The following DLAT variants were observed in gnomAD, a reference collection of about 807,000 sequenced individuals.
DLAT encodes dihydrolipoyllysine-residue acetyltransferase component of pyruvate dehydrogenase complex, mitochondrial.
DLAT carries 43 observed loss-of-function variants against 68.0 expected under a neutral mutation model. The ratio of observed to expected loss-of-function variants is 0.63; its 90% CI spans 0.50 to 0.81. DLAT has a LOEUF of 0.81. Among genes scored for constraint, DLAT ranks in the 40% least tolerant of loss-of-function variants. The pLI, the probability that DLAT is intolerant of heterozygous loss-of-function variation, is 0.00. For missense variants in DLAT, 745 were observed against 815.4 expected (o/e 0.91, Z 1.05); for synonymous variants, 265 against 288.6 (o/e 0.92, Z 0.83).
chr11:112,029,797 C>T, intron 4 of DLAT: 1 of 516,040 alleles, frequency 1.9e-6, no homozygotes, highest in South Asian at 1.6e-5. Flanking sequence ...TCAAGAACAC[C>T]ACCAAGAAGG....
rs189506757 is a variant in DLAT at position 112,037,078 on chromosome 11, A to G, written c.788-195A>G. On this transcript the variant is annotated intron_variant, in intron 5 of 13. Coordinates refer to ENST00000280346, the MANE Select transcript of DLAT (RefSeq NM_001931.5). ...TTAAATGTATAACATCCCAGTACCA[A>G]TCCAGTGAGATTGGTACTATTATTA... Among the ~76,000 whole-genome samples the G allele has an allele frequency of 3.8e-3, 585 of 152,338 alleles. 2 individuals are homozygous for G. The highest frequency in any genetic ancestry group is 0.013 in the African/African-American group (538 of 41,578).
rs140678772 is a variant in DLAT, at chr11:112,028,913, G to A, written c.628G>A (p.Ala210Thr). The A allele has an allele frequency of 1.5e-4, 241 of 1,614,104 alleles. 1 individual carries two copies. The African/African-American group carries it at 2.6e-3, about 17-fold the overall frequency. Reference sequence around the variant, plus strand: ...TTCGCCACCTACACCTTCTGCTCAGGCTCCTGGTAGCTCATATCCCCCTCA... The same window carrying A: ...TTCGCCACCTACACCTTCTGCTCAGACTCCTGGTAGCTCATATCCCCCTCA... The part of the protein sequence containing the change: ...TASPPTPSAQ[A>T]PGSSYPPHMQ... Residue 210 changes from alanine (A) to threonine (T), a missense_variant, in exon 4 of 14, where the codon GCT becomes ACT. Ala to Thr is a moderately conservative substitution (Grantham distance 58). Coordinates refer to ENST00000280346, the MANE Select transcript of DLAT (RefSeq NM_001931.5).
intron 2 of DLAT, 95 bp from the exon 3 acceptor site, chr11:112,028,420 C>CAAAA (rs148561787): frequency 9.0e-5 from 74 of 820,348 alleles, no homozygotes; most frequent in Middle Eastern, 4.2e-4. Context: ...CTCTGTGTCT[C>CAAAA]AAAAAAAAAA....
rs140241473 is a variant in DLAT at position 112,028,824 on chromosome 11, C to T, written c.539C>T (p.Thr180Ile). The T allele has an allele frequency of 2.5e-6, 4 of 1,614,122 alleles. No individual in the cohort carries two copies. Among genetic ancestry groups the T allele is most frequent in the Non-Finnish European group, 3.4e-6 (4 of 1,180,010 alleles). Residue 180 changes from threonine (T) to isoleucine (I), a missense_variant, in exon 4 of 14, where the codon ACA becomes ATA. By Grantham distance (89) the Thr-to-Ile change is moderately conservative. Transcript: ENST00000280346. ...GATATTGAGGCCTTTAAAAATTATA[C>T]ACTGGATTCCTCAGCAGCACCTACC... ...PEDIEAFKNY[T>I]LDSSAAPTPQ...
chr11:112,056,897 TTTGA>T (rs1263097573), intron 11 of DLAT, among the ~76,000 whole-genome samples: 1 of 152,218 alleles, frequency 6.6e-6, no homozygotes, highest in Non-Finnish European at 1.5e-5. Context: ...TTTATTGCAC[TTTGA>T]TTTATTGTGC....
intron 5 of DLAT, among the ~76,000 whole-genome samples, chr11:112,036,201 GTTTTT>G (rs1167345612): frequency 5.5e-4 from 20 of 36,462 alleles, no homozygotes; most frequent in South Asian, 3.0e-3. Context: ...GTGTGTGTGT[GTTTTT>G]TTTTTTTTTT....
chr11:112,032,793 C>T (rs587686085), intron 4 of DLAT, among the ~76,000 whole-genome samples: 1 of 152,246 alleles, frequency 6.6e-6, no homozygotes, highest in South Asian at 2.1e-4. Flanking sequence ...AGTCTGGGCG[C>T]GGTGGCTCAC....
chr11:112,064,345 T>G lies in DLAT; in HGVS notation c.*1810T>G. On this transcript the variant is annotated 3_prime_UTR_variant, in exon 14 of 14. Transcript: ENST00000280346. ...TGAAAGAAAAAAGTTAGAAATAGTG[T>G]TTTTGGTTCATATGATTATTTAAAA... 3 of 782,604 alleles carry G rather than the reference T, an allele frequency of 3.8e-6. No homozygotes were observed. Among genetic ancestry groups the G allele is most frequent in the Non-Finnish European group, 5.7e-6 (3 of 525,516 alleles). The allele number at this position is 782,604 out of a possible 1,614,324, so 48.5% of individuals were successfully genotyped here. A position where few individuals can be genotyped will look rare whatever the true frequency, so the allele number is the denominator to read the frequency against.
At chr11:112,045,747 A>G in intron 9 of DLAT, 116 bp from the exon 10 acceptor site, 1 of 693,104 alleles carries the variant, frequency 1.4e-6, no homozygotes, top group Non-Finnish European at 2.5e-6. Flanking sequence ...TCTTTCAATT[A>G]TAATAATGCT....
intron 11 of DLAT, 31 bp from the exon 12 acceptor site, chr11:112,059,869 GTTT>G: frequency 6.6e-7 from 1 of 1,518,102 alleles, no homozygotes; most frequent in African/African-American, 1.4e-5. Flanking sequence ...TTAATAAACA[GTTT>G]TTTATTATAT....
intron 8 of DLAT, 112 bp from the exon 9 acceptor site, chr11:112,045,026 C>T: frequency 1.3e-6 from 1 of 777,394 alleles, no homozygotes; most frequent in Non-Finnish European, 2.2e-6. Context: ...CAGAGCAAGA[C>T]TCTGTCTCAA....
chr11:112,060,049 A>G lies in DLAT; in HGVS notation c.1661A>G (p.Gln554Arg), dbSNP rs1555183028. The change falls in exon 12 of 14, where the codon CAG becomes CGG. Residue 554 changes from glutamine (Q) to arginine (R), a missense_variant. Physicochemically the swap from Gln to Arg is conservative, Grantham distance 43 (BLOSUM62 1). Coordinates refer to ENST00000280346, the MANE Select transcript of DLAT (RefSeq NM_001931.5). ...LATKAREGKLQPHEFQGGTFT... is the reference protein window; with the variant it reads ...LATKAREGKLRPHEFQGGTFT... ...ACCAAAGCAAGAGAGGGTAAACTAC[A>G]GCCACATGAATTCCAGGTAGGGTAT... 1 of 1,614,018 alleles carries G rather than the reference A, an allele frequency of 6.2e-7. No homozygotes were observed.
rs1555183588 is a variant in DLAT at position 112,064,136 on chromosome 11, T to A, written c.*1601T>A. ...GAAACAAGCTTATCACAAGGGACCA[T>A]CATCAATATGATCCAAATCTGGTTC... On this transcript the variant is annotated 3_prime_UTR_variant, in exon 14 of 14. Coordinates refer to ENST00000280346, the MANE Select transcript of DLAT (RefSeq NM_001931.5). 3.3e-6 allele frequency: 5 copies of A among 1,508,062 alleles called. No individual in the cohort carries two copies. The highest frequency in any genetic ancestry group is 4.5e-6 in the Non-Finnish European group (5 of 1,119,916). 93.4% of individuals were successfully genotyped at this position (1,508,062 alleles called of 1,614,324 possible). A position where few individuals can be genotyped will look rare whatever the true frequency, so the allele number is the denominator to read the frequency against.
intron 8 of DLAT, 77 bp from the exon 9 acceptor site, chr11:112,045,061 G>T: frequency 7.5e-6 from 8 of 1,072,546 alleles, no homozygotes; most frequent in South Asian, 1.3e-5. Context: ...AAACTGCATA[G>T]TCACTGGCAG....
chr11:112,043,708 C>T (rs1555181210), intron 8 of DLAT, among the ~76,000 whole-genome samples, 175 bp downstream of exon 8: 1 of 152,100 alleles, frequency 6.6e-6, no homozygotes, highest in Non-Finnish European at 1.5e-5. Flanking sequence ...CAGGAGCCCC[C>T]TTGTATACCA....
chr11:112,045,735 C>T (rs970114477), intron 9 of DLAT, 128 bp from the exon 10 acceptor site: 5 of 656,784 alleles, frequency 7.6e-6, no homozygotes, highest in Non-Finnish European at 1.3e-5. Context: ...CGGAGTCCTC[C>T]ATCTTTCAAT....
chr11:112,031,896 T>G (rs1038335273), intron 4 of DLAT, among the ~76,000 whole-genome samples: 7 of 121,954 alleles, frequency 5.7e-5, no homozygotes, highest in African/African-American at 1.9e-4. Flanking sequence ...TTTTTTTTTT[T>G]TTTTTTTTTT....
At chr11:112,029,589 T>C (rs782748354) in intron 4 of DLAT, among the ~76,000 whole-genome samples, 2 of 151,638 alleles carry the variant, frequency 1.3e-5, no homozygotes, top group African/African-American at 4.8e-5. Flanking sequence ...GGGATCCTCC[T>C]CCAATACCCA....
intron 5 of DLAT, among the ~76,000 whole-genome samples, chr11:112,036,200 T>TG (rs1566617759): frequency 2.3e-4 from 16 of 69,858 alleles, no homozygotes; most frequent in African/African-American, 9.7e-4. Flanking sequence ...TGTGTGTGTG[T>TG]GTTTTTTTTT....
Sources: allele counts gnomAD v4.1 joint callset (sites outside exome capture counted in the v4.1 genomes callset), GRCh38; gene constraint gnomAD v4.1.1; transcripts MANE v1.5; gene names NCBI Gene and HGNC (gene_info 2026-07-23, HGNC 2026-07-21).